RNF32: variants seen among roughly 807,000 people sequenced by gnomAD.
RNF32 encodes ring finger protein 32.
In RNF32, 36 loss-of-function variants were observed where a neutral mutation model predicts 41.0. The ratio of observed to expected loss-of-function variants is 0.88; its 90% CI spans 0.67 to 1.16. The LOEUF is 1.16. Ranked by LOEUF, RNF32 falls within the 50% of genes most tolerant of loss-of-function variation. The probability of loss-of-function intolerance (pLI) is 0.00; values close to 1 mark genes in which losing one functional copy is unlikely to be tolerated. For missense variants in RNF32, 413 were observed against 436.7 expected (o/e 0.95, Z 0.48); for synonymous variants, 154 against 160.9 (o/e 0.96, Z 0.32).
At chr7:156,655,970 A>G (rs1356408248) in intron 4 of RNF32, among the ~76,000 whole-genome samples, 5 of 152,164 alleles carry the variant, frequency 3.3e-5, no homozygotes, top group Non-Finnish European at 5.9e-5. Context: ...GATTTTTATA[A>G]ATTTCTCACT....
rs1236398405 is a variant in RNF32 at position 156,653,709 on chromosome 7, G to A, written c.275-867G>A. On this transcript the variant is annotated intron_variant, in intron 3 of 8. Coordinates refer to ENST00000317955, the MANE Select transcript of RNF32 (RefSeq NM_030936.4). ...GATGTTGCAGTTGCTTTTTCAAAGTGAGTGTTTCCCACCGCACTATCAGCT... is the reference window on the plus strand; with the variant it reads ...GATGTTGCAGTTGCTTTTTCAAAGTAAGTGTTTCCCACCGCACTATCAGCT... Among the ~76,000 whole-genome samples, 3 of 152,218 alleles carry A rather than the reference G, an allele frequency of 2.0e-5. No individual in the cohort carries two copies. The East Asian group carries it at 5.8e-4, about 29-fold the overall frequency.
At position 156,643,814 on chromosome 7, in the gene RNF32, G is replaced by T; in HGVS notation, c.-64G>T. 6.9e-7 allele frequency: 1 copy of T among 1,453,976 alleles called. No homozygotes were observed. Among genetic ancestry groups the T allele is most frequent in the Non-Finnish European group, 9.7e-7 (1 of 1,036,154 alleles). 90.1% of individuals were successfully genotyped at this position (1,453,976 alleles called of 1,614,324 possible). On this transcript the variant is annotated 5_prime_UTR_variant, in exon 2 of 9. It adds an upstream start codon to the 5' untranslated region. Transcript: ENST00000317955. ...ACGTCTTTGCAGCAGAAGAATAGAA[G>T]GAAGGTGATAGGATGTGATGATAGA...
Position 156,671,271 on chromosome 7 carries a change from C to T in RNF32, c.685-4425C>T, listed in dbSNP as rs1264700645. ...ACAACACAAAGCGGACTGAGTGCTC[C>T]AGCACCAATCAGATTATGTATGTGT... On this transcript the variant is annotated intron_variant, in intron 7 of 8. Coordinates refer to ENST00000317955, the MANE Select transcript of RNF32 (RefSeq NM_030936.4). 3.9e-5 allele frequency among the ~76,000 whole-genome samples: 6 copies of T among 152,308 alleles called. No individual in the cohort carries two copies. The East Asian group carries it at 1.2e-3, about 29-fold the overall frequency.
rs79950079 is a variant in RNF32, at chr7:156,675,787, G to T, written c.776G>T (p.Arg259Leu). ...ATCGATCAGTGCTTGGCCATAAATC[G>T]AAGTGTTCTTCAGCAGTTGGAAGAA... Reference protein sequence around the residue: ...AEIDQCLAINRSVLQQLEEKC... With the variant: ...AEIDQCLAINLSVLQQLEEKC... The change falls in exon 8 of 9, where the codon CGA (arginine) becomes CTA (leucine). Residue 259 changes from arginine to leucine, a missense_variant. By Grantham distance (102) the Arg-to-Leu change is moderately radical. Coordinates refer to ENST00000317955, the MANE Select transcript of RNF32 (RefSeq NM_030936.4). 16 of 1,613,948 alleles carry T rather than the reference G, an allele frequency of 9.9e-6. No homozygotes were observed. The Middle Eastern group carries it at 4.9e-4, about 50-fold the overall frequency.
chr7:156,657,317 C>T (rs1266379533), intron 4 of RNF32: 1 of 557,634 alleles, frequency 1.8e-6, no homozygotes, highest in Non-Finnish European at 3.2e-6. Flanking sequence ...AAATATCAAA[C>T]TTCATGTGTT....
intron 3 of RNF32, among the ~76,000 whole-genome samples, chr7:156,647,457 T>C (rs1261476244): frequency 6.6e-6 from 1 of 152,130 alleles, no homozygotes; most frequent in Non-Finnish European, 1.5e-5. Context: ...CATGAGTTAC[T>C]TCACTTGGAA....
At chr7:156,671,536 G>A (rs1470927484) in intron 7 of RNF32, among the ~76,000 whole-genome samples, 1 of 152,078 alleles carries the variant, frequency 6.6e-6, no homozygotes, top group African/African-American at 2.4e-5. Flanking sequence ...CTGACCATAC[G>A]CTTGTCCATG....
chr7:156,672,938 T>C (rs927452106), intron 7 of RNF32, among the ~76,000 whole-genome samples: 5 of 152,240 alleles, frequency 3.3e-5, no homozygotes, highest in African/African-American at 7.2e-5. Context: ...CAGAATCACC[T>C]GGAGGGCTGT....
At chr7:156,672,972 C>A (rs892025064) in intron 7 of RNF32, among the ~76,000 whole-genome samples, 1 of 152,238 alleles carries the variant, frequency 6.6e-6, no homozygotes, top group South Asian at 2.1e-4. Flanking sequence ...GGGCTCACCC[C>A]GCGGACTGTG....
intron 3 of RNF32, 139 bp downstream of exon 3, chr7:156,644,896 T>G: frequency 1.2e-6 from 1 of 821,698 alleles, no homozygotes; most frequent in Non-Finnish European, 1.8e-6. Flanking sequence ...AAGGTATGTA[T>G]GTATTGAAGT....
chr7:156,640,778 G>C lies in RNF32; in HGVS notation c.-111G>C, dbSNP rs937555638. The C allele has an allele frequency of 3.9e-6, 1 of 254,474 alleles. No individual in the cohort carries two copies. The highest frequency in any genetic ancestry group is 2.4e-5 in the African/African-American group (1 of 41,896). 15.8% of individuals were successfully genotyped at this position (254,474 alleles called of 1,614,324 possible). A position where few individuals can be genotyped will look rare whatever the true frequency, so the allele number is the denominator to read the frequency against. ...GTTGCCTGAGGGAAAAGGGGCAGAC[G>C]TCCCTGGGTTCCGGTGTTCGCGGAG... On this transcript the variant is annotated 5_prime_UTR_variant, in exon 1 of 9. Coordinates refer to ENST00000317955, the MANE Select transcript of RNF32 (RefSeq NM_030936.4).
chr7:156,656,926 C>A (rs1799779818), intron 4 of RNF32, among the ~76,000 whole-genome samples: 1 of 152,216 alleles, frequency 6.6e-6, no homozygotes, highest in South Asian at 2.1e-4. Context: ...CCACTGCCTT[C>A]TTCTTCATTT....
chr7:156,643,692 G>A, intron 1 of RNF32, 109 bp from the exon 2 acceptor site: 1 of 624,320 alleles, frequency 1.6e-6, no homozygotes, highest in Non-Finnish European at 2.9e-6. Context: ...CCTGTAGCAG[G>A]CATTCCTGCT....
intron 1 of RNF32, among the ~76,000 whole-genome samples, chr7:156,642,458 C>T (rs531775806): frequency 5.3e-4 from 81 of 152,338 alleles, no homozygotes; most frequent in African/African-American, 1.9e-3. Context: ...GAAGCACCTC[C>T]CCCTACCATG....
intron 7 of RNF32, among the ~76,000 whole-genome samples, chr7:156,672,665 C>T (rs541278384): frequency 1.8e-4 from 27 of 152,324 alleles, no homozygotes; most frequent in African/African-American, 6.5e-4. Flanking sequence ...GATACACTCA[C>T]GTATGATAGA....
intron 7 of RNF32, chr7:156,659,531 T>G (rs2131519922): frequency 1.0e-6 from 1 of 985,034 alleles, no homozygotes; most frequent in Non-Finnish European, 1.2e-6. Context: ...ATTTCTAATA[T>G]GTCATAGTAG....
intron 3 of RNF32, among the ~76,000 whole-genome samples, chr7:156,652,719 A>G (rs1798916770): frequency 6.6e-6 from 1 of 152,136 alleles, no homozygotes; most frequent in Non-Finnish European, 1.5e-5. Context: ...GAGAAATAGA[A>G]AAAGCTTATA....
At chr7:156,647,892 G>GT (rs1217189170) in intron 3 of RNF32, among the ~76,000 whole-genome samples, 1 of 152,122 alleles carries the variant, frequency 6.6e-6, no homozygotes, top group African/African-American at 2.4e-5. Context: ...GAATAAGGTG[G>GT]TATCTCACTG....
At chr7:156,671,884 G>C (rs7803361) in intron 7 of RNF32, among the ~76,000 whole-genome samples, 1 of 151,918 alleles carries the variant, frequency 6.6e-6, no homozygotes, top group Admixed American at 6.6e-5. Context: ...GAAAATAAAC[G>C]GTTCTAAATA....
Sources: gnomAD v4.1 joint callset for allele counts (sites outside exome capture counted in the v4.1 genomes callset) on GRCh38, gnomAD v4.1.1 for gene constraint, MANE v1.5 for transcripts, NCBI Gene and HGNC (gene_info 2026-07-23, HGNC 2026-07-21) for gene names.